ANKRD60: variants seen among roughly 807,000 people sequenced by gnomAD.
ANKRD60 encodes the protein ankyrin repeat domain-containing protein 60.
In ANKRD60, 24 loss-of-function variants were observed where a neutral mutation model predicts 21.3. The ratio of observed to expected loss-of-function variants is 1.13; its 90% CI spans 0.82 to 1.59. ANKRD60 has a LOEUF of 1.59. Ranked by LOEUF, ANKRD60 falls within the 40% of genes most tolerant of loss-of-function variation. The pLI is 0.00. For missense variants in ANKRD60, 490 were observed against 466.7 expected, an observed-to-expected ratio of 1.05 and a Z score of -0.46; for synonymous variants, 182 against 199.4, an observed-to-expected ratio of 0.91 and a Z score of 0.74.
intron 1 of ANKRD60, among the ~76,000 whole-genome samples, chr20:58,223,554 G>T (rs1448203978): frequency 6.6e-6 from 1 of 152,164 alleles, no homozygotes; most frequent in Non-Finnish European, 1.5e-5. Flanking sequence ...GCACAATGTG[G>T]TTATACAAAT....
rs1984417364 is a variant in ANKRD60, at chr20:58,228,482, A to AG, written c.171dup (p.Ser58LeufsTer22). On this transcript the variant is annotated frameshift_variant, in exon 1 of 4. Coordinates refer to ENST00000457363, the Ensembl canonical transcript of ANKRD60. LOFTEE classifies it high-confidence loss of function. The surrounding 1 kb of genome is among the most constrained non-coding windows in gnomAD (Gnocchi z 5.3). ...AGGGGCTGCGCGGGGAGGGCCCGCG[A>AG]GTCCGCCGAGCCCACCCTGGGCCCG... is the stretch of plus-strand genomic sequence containing the variant. 2 of 1,502,440 alleles carry AG rather than the reference A, an allele frequency of 1.3e-6. No homozygotes were observed. Among genetic ancestry groups the AG allele is most frequent in the Admixed American group, 4.2e-5 (2 of 47,490 alleles). 93.1% of individuals were successfully genotyped at this position (1,502,440 alleles called of 1,614,324 possible). A position where few individuals can be genotyped will look rare whatever the true frequency, so the allele number is the denominator to read the frequency against.
Position 58,221,902 on chromosome 20 carries a change from G to A in ANKRD60, c.562-399C>T, listed in dbSNP as rs74533546. Among the ~76,000 whole-genome samples the A allele has an allele frequency of 4.2e-3, 637 of 152,264 alleles. 2 individuals are homozygous for A. Among genetic ancestry groups the A allele is most frequent in the Non-Finnish European group, 7.7e-3 (525 of 68,022 alleles). On this transcript the variant is annotated intron_variant, in intron 2 of 3. Coordinates refer to ENST00000457363, the Ensembl canonical transcript of ANKRD60. ...CTTGGAGACCGGATCTGGCTTTCCC[G>A]TCTATTTGTGTGCCCACTGTCTCCA... is the stretch of plus-strand genomic sequence containing the variant.
chr20:58,224,855 T>G (rs534694507), intron 1 of ANKRD60, among the ~76,000 whole-genome samples: 1 of 152,300 alleles, frequency 6.6e-6, no homozygotes, highest in East Asian at 1.9e-4. Context: ...CTTAGACAAA[T>G]ACTAATTATC....
chr20:58,217,584 CCTT>C (rs1366119015), downstream of ANKRD60, among the ~76,000 whole-genome samples: 1 of 152,094 alleles, frequency 6.6e-6, no homozygotes, highest in Non-Finnish European at 1.5e-5. Flanking sequence ...CCTTGTCTTT[CCTT>C]CTTATTTCCC....
chr20:58,224,533 C>T (rs1984328286), intron 1 of ANKRD60, among the ~76,000 whole-genome samples: 1 of 152,214 alleles, frequency 6.6e-6, no homozygotes, highest in South Asian at 2.1e-4. Flanking sequence ...AGACCTGCTT[C>T]CCTCCAGGGC....
downstream of ANKRD60, among the ~76,000 whole-genome samples, chr20:58,217,569 G>A (rs938066111): frequency 1.3e-5 from 2 of 151,962 alleles, no homozygotes; most frequent in African/African-American, 2.4e-5. Context: ...GACAGCTGGC[G>A]CCATCCTTGT....
In ANKRD60 at chr20:58,223,028, C is replaced by A. The variant is rs924357178; in HGVS notation, c.561+24G>T. 21 of 1,539,700 alleles carry A rather than the reference C, an allele frequency of 1.4e-5. No homozygotes were observed. In the African/African-American group the frequency reaches 2.4e-4, roughly 17 times the overall value. ...ACGGTTGCTTCGTAACGTATAATAT[C>A]CATTTAAAGAAGCTTGAAAACACCT... On this transcript the variant is annotated intron_variant, in intron 2 of 3. Coordinates refer to ENST00000457363, the Ensembl canonical transcript of ANKRD60.
At chr20:58,221,215 T>A in intron 3 of ANKRD60, 123 bp downstream of exon 3, 1 of 1,099,884 alleles carries the variant, frequency 9.1e-7, no homozygotes, top group South Asian at 1.7e-5. Context: ...CCCTGACTGG[T>A]GGCTGACAAG....
At chr20:58,220,626 T>C (rs1408156964) in intron 3 of ANKRD60, among the ~76,000 whole-genome samples, 1 of 151,984 alleles carries the variant, frequency 6.6e-6, no homozygotes, top group Non-Finnish European at 1.5e-5. Context: ...ATGGTGATCC[T>C]GCCATCCACC....
At chr20:58,225,417 A>G (rs567723467) in intron 1 of ANKRD60, among the ~76,000 whole-genome samples, 29 of 152,226 alleles carry the variant, frequency 1.9e-4, no homozygotes, top group Non-Finnish European at 3.4e-4. Flanking sequence ...TTCCAAATAA[A>G]GCCTCAAAAA....
chr20:58,218,718 A>G (rs1278535913), exon 4 of ANKRD60: 1 of 1,551,590 alleles, frequency 6.4e-7, no homozygotes, highest in East Asian at 2.4e-5. Context: ...GTGCTGGAGC[A>G]GGAGGATTAT....
In ANKRD60 at chr20:58,219,702, C is replaced by T. The variant is rs879852148; in HGVS notation, c.728-897G>A. ...TTCAGTAGCCAGTTTTTATGAGCTC[C>T]GGCTGGTTGGTGAGGTAAAGTTTTA... is the stretch of plus-strand genomic sequence containing the variant. On this transcript the variant is annotated intron_variant, in intron 3 of 3. Transcript: ENST00000457363. Among the ~76,000 whole-genome samples, 9 of 152,164 alleles carry T rather than the reference C, an allele frequency of 5.9e-5. No individual in the cohort carries two copies. In the East Asian group the frequency reaches 1.2e-3, roughly 20 times the overall value.
chr20:58,221,603 C>T, intron 2 of ANKRD60, 100 bp from the exon 3 acceptor site: 1 of 1,305,194 alleles, frequency 7.7e-7, no homozygotes, highest in South Asian at 1.4e-5. Context: ...GCTTGAATGT[C>T]AAATTAAGGC....
chr20:58,222,850 C>T (rs567231035), intron 2 of ANKRD60, among the ~76,000 whole-genome samples: 7 of 152,298 alleles, frequency 4.6e-5, no homozygotes, highest in Non-Finnish European at 7.4e-5. Context: ...AATCACAAAT[C>T]GATAAACCCA....
intron 1 of ANKRD60, among the ~76,000 whole-genome samples, chr20:58,225,970 T>C (rs924956716): frequency 6.6e-6 from 1 of 152,142 alleles, no homozygotes; most frequent in Non-Finnish European, 1.5e-5. Context: ...GTGCCTGGCC[T>C]CCACTGGGTA....
chr20:58,223,729 C>T (rs2122809442), intron 1 of ANKRD60, among the ~76,000 whole-genome samples: 1 of 152,308 alleles, frequency 6.6e-6, no homozygotes, highest in Admixed American at 6.5e-5. Flanking sequence ...GCAGGGGCCC[C>T]TCCTCGTTGT....
exon 4 of ANKRD60, chr20:58,218,747 A>G: frequency 1.3e-6 from 2 of 1,551,430 alleles, no homozygotes; most frequent in Non-Finnish European, 1.7e-6. Context: ...ACCGGCCCAT[A>G]GCTGCAGCCA....
downstream of ANKRD60, among the ~76,000 whole-genome samples, chr20:58,217,545 C>A (rs1027672490): frequency 1.3e-5 from 2 of 152,068 alleles, no homozygotes; most frequent in African/African-American, 4.8e-5. Context: ...AGTCAAGTCT[C>A]GGTGCTCTCT....
chr20:58,218,869 G>A, intron 3 of ANKRD60, 64 bp from the exon 4 acceptor site: 1 of 1,430,934 alleles, frequency 7.0e-7, no homozygotes, highest in Non-Finnish European at 9.3e-7. Context: ...AGGGGTCCAG[G>A]GCTGTGAAGG....
Sources: allele counts gnomAD v4.1 joint callset (sites outside exome capture counted in the v4.1 genomes callset), GRCh38; gene constraint gnomAD v4.1.1; non-coding constraint Gnocchi (gnomAD v3.1); transcripts MANE v1.5; gene names NCBI Gene and HGNC (gene_info 2026-07-23, HGNC 2026-07-21).